Variants in XRN1 observed in about 807,000 individuals in gnomAD.
XRN1 encodes the protein 5'-3' exoribonuclease 1, also known as strand-exchange protein 1 homolog.
Under a neutral mutation model 222.3 loss-of-function variants are expected in XRN1, and 67 were observed. The observed-to-expected ratio is 0.30, with a 90% CI of 0.25 to 0.37. XRN1 has a LOEUF of 0.37. Among genes scored for constraint, XRN1 ranks in the 10% least tolerant of loss-of-function variants. The pLI is 1.00. For synonymous variants in XRN1, 643 were observed against 652.4 expected (o/e 0.99, Z 0.22); for missense variants, 1,707 against 2,000.2 (o/e 0.85, Z 2.80).
chr3:142,424,755 G>C (rs2069180265), intron 5 of XRN1, among the ~76,000 whole-genome samples: 1 of 152,096 alleles, frequency 6.6e-6, no homozygotes, highest in African/African-American at 2.4e-5. Context: ...AGATGATTAG[G>C]GGTAGAAATT....
At chr3:142,344,062 T>A in intron 33 of XRN1, among the ~76,000 whole-genome samples, 2 of 121,618 alleles carry the variant, frequency 1.6e-5, no homozygotes, top group African/African-American at 3.3e-5. Flanking sequence ...GAAAATAGAG[T>A]AGAAGGATGG....
At chr3:142,445,306 C>A (rs200085141) in intron 1 of XRN1, among the ~76,000 whole-genome samples, 1 of 152,114 alleles carries the variant, frequency 6.6e-6, no homozygotes, top group East Asian at 1.9e-4. Flanking sequence ...TGCCTTTTAA[C>A]TCATTGTGAA....
Position 142,365,298 on chromosome 3 carries a change from T to C in XRN1, c.3261+12A>G, listed in dbSNP as rs746788643. On this transcript the variant is annotated intron_variant, in intron 28 of 40. Transcript: ENST00000392981. ...AAAGCAACAACTCTGAATTCTTTGA[T>C]AGGAAACTTACTCTGTATAGCAAAT... 1.1e-5 allele frequency: 17 copies of C among 1,591,874 alleles called. No homozygotes were observed. In the Admixed American group the frequency reaches 1.4e-4, roughly 13 times the overall value.
At chr3:142,327,572 T>C (rs2065555144) in intron 37 of XRN1, among the ~76,000 whole-genome samples, 1 of 152,230 alleles carries the variant, frequency 6.6e-6, no homozygotes, top group South Asian at 2.1e-4. Context: ...TCTTTTGTAC[T>C]ATTTTTAGTA....
In XRN1 at chr3:142,369,979, G is replaced by A. The variant is rs377762402; in HGVS notation, c.3204+506C>T. 9.2e-5 allele frequency among the ~76,000 whole-genome samples: 14 copies of A among 151,454 alleles called. No individual in the cohort carries two copies. In the South Asian group the frequency reaches 1.9e-3, roughly 20 times the overall value. ...GGAGAATTGCTTCAATCTGGGAGGC[G>A]GAGGTTGCAGTGAGCCGAGATCCTG... On this transcript the variant is annotated intron_variant, in intron 27 of 40. Coordinates refer to ENST00000392981, the MANE Select transcript of XRN1 (RefSeq NM_001282857.2).
intron 1 of XRN1, among the ~76,000 whole-genome samples, chr3:142,437,795 C>A (rs2069988893): frequency 6.6e-6 from 1 of 152,138 alleles, no homozygotes; most frequent in Non-Finnish European, 1.5e-5. Flanking sequence ...AAACTACTCA[C>A]CTGACAAGGG....
chr3:142,414,487 C>A, intron 13 of XRN1, 196 bp from the exon 14 acceptor site: 1 of 366,804 alleles, frequency 2.7e-6, no homozygotes, highest in Non-Finnish European at 4.7e-6. Context: ...ACAAATGTTA[C>A]ATTTCCTGAA....
rs369315631 is a variant in XRN1 at position 142,314,947 on chromosome 3, G to A, written c.4622-2189C>T. Reference sequence around the variant, plus strand: ...AAAAAAAAAAAAATCCAAGTCTGTCGTCTGTTTTTTTTTTTTTTTTTTTGA... The same window carrying A: ...AAAAAAAAAAAAATCCAAGTCTGTCATCTGTTTTTTTTTTTTTTTTTTTGA... On this transcript the variant is annotated intron_variant, in intron 39 of 40. Coordinates refer to ENST00000392981, the MANE Select transcript of XRN1 (RefSeq NM_001282857.2). Among the ~76,000 whole-genome samples the A allele has an allele frequency of 2.0e-3, 243 of 123,582 alleles. 2 individuals carry two copies. The highest frequency in any genetic ancestry group is 6.5e-3 in the African/African-American group (215 of 32,876). The allele number at this position is 123,582 out of a possible 152,430, so 81.1% of individuals were successfully genotyped here. A position where few individuals can be genotyped will look rare whatever the true frequency, so the allele number is the denominator to read the frequency against.
chr3:142,396,835 C>T (rs2067951322), intron 20 of XRN1, among the ~76,000 whole-genome samples: 1 of 152,138 alleles, frequency 6.6e-6, no homozygotes, highest in Admixed American at 6.5e-5. Flanking sequence ...GGACACAAAA[C>T]ACTCTGGTGA....
At chr3:142,315,168 C>T (rs980436133) in intron 39 of XRN1, among the ~76,000 whole-genome samples, 1 of 151,888 alleles carries the variant, frequency 6.6e-6, no homozygotes, top group Admixed American at 6.6e-5. Context: ...ACTCATGGCT[C>T]TAGTGATCCT....
Position 142,329,512 on chromosome 3 carries a change from T to C in XRN1, c.4326A>G (p.Thr1442=). ...PAPSQIPPVS[T]PVTELSRICS... is the part of the protein sequence containing the mutation. ...AAATTCGAGAAAGTTCAGTTACTGG[T>C]GTGGATACAGGAGGGATCTGGCTGG... Residue 1442 remains threonine (T), a synonymous_variant, in exon 37 of 41, where the codon ACA becomes ACG. Coordinates refer to ENST00000392981, the MANE Select transcript of XRN1 (RefSeq NM_001282857.2). The C allele has an allele frequency of 6.3e-7, 1 of 1,597,672 alleles. No homozygotes were observed. The highest frequency in any genetic ancestry group is 1.8e-5 in the Admixed American group (1 of 55,918).
Position 142,335,340 on chromosome 3 carries a change from C to T in XRN1, c.3939+108G>A, listed in dbSNP as rs117142425. 1.0e-3 allele frequency: 1,061 copies of T among 1,030,722 alleles called. 11 individuals carry two copies. In the East Asian group the frequency reaches 0.022, roughly 21 times the overall value. 63.8% of individuals were successfully genotyped at this position (1,030,722 alleles called of 1,614,324 possible). On this transcript the variant is annotated intron_variant, in intron 34 of 40. Coordinates refer to ENST00000392981, the MANE Select transcript of XRN1 (RefSeq NM_001282857.2). ...TAACTTCAGTGACCCTCTGGCCACA[C>T]ACCTTATAAATTTGGTTGAAAAGGT...
In XRN1 at chr3:142,316,903, T is replaced by TA. The variant is rs1159383283; in HGVS notation, c.4621+1688dup. On this transcript the variant is annotated intron_variant, in intron 39 of 40. Transcript: ENST00000392981. Reference sequence around the variant, plus strand: ...GGCAACATAGTGAGACCTTGTTGCTTAAAAAAAAAAGGGTACATAAGAAAT... The same window carrying TA: ...GGCAACATAGTGAGACCTTGTTGCTTAAAAAAAAAAAGGGTACATAAGAAAT... 1.5e-3 allele frequency among the ~76,000 whole-genome samples: 228 copies of TA among 147,626 alleles called. 1 individual carries two copies. Among genetic ancestry groups the TA allele is most frequent in the African/African-American group, 5.2e-3 (208 of 40,276 alleles).
chr3:142,364,919 A>G (rs1293752205), intron 29 of XRN1, 128 bp downstream of exon 29: 3 of 1,007,222 alleles, frequency 3.0e-6, no homozygotes, highest in African/African-American at 5.9e-5. Context: ...AAATTTAACT[A>G]AAACATAAAA....
At chr3:142,390,119 T>C (rs972322982) in intron 20 of XRN1, among the ~76,000 whole-genome samples, 53 of 152,382 alleles carry the variant, frequency 3.5e-4, no homozygotes, top group African/African-American at 1.2e-3. Flanking sequence ...GTTCCATTTA[T>C]AGAGCACAGG....
At chr3:142,444,151 G>A (rs926978534) in intron 1 of XRN1, among the ~76,000 whole-genome samples, 1 of 152,132 alleles carries the variant, frequency 6.6e-6, no homozygotes, top group African/African-American at 2.4e-5. Flanking sequence ...CTGAAAGAAC[G>A]AATAAGACCT....
At position 142,336,307 on chromosome 3, in the gene XRN1, A is replaced by G. The variant is rs767875968; in HGVS notation, c.3878-798T>C. Among the ~76,000 whole-genome samples the G allele has an allele frequency of 4.8e-4, 73 of 152,264 alleles. 1 individual carries two copies. The highest frequency in any genetic ancestry group is 1.0e-3 in the Non-Finnish European group (68 of 68,008). ...TAATTATTGCATAATATTCTATTATATTGGATATACTGGATTATATAGCTA... is the reference window on the plus strand; with the variant it reads ...TAATTATTGCATAATATTCTATTATGTTGGATATACTGGATTATATAGCTA... On this transcript the variant is annotated intron_variant, in intron 33 of 40. Transcript: ENST00000392981.
intron 27 of XRN1, among the ~76,000 whole-genome samples, chr3:142,369,590 G>A (rs1207136001): frequency 6.6e-6 from 1 of 151,000 alleles, no homozygotes; most frequent in African/African-American, 2.4e-5. Flanking sequence ...GGAGGTTGCA[G>A]TGAGCCGAGA....
chr3:142,405,136 C>A, intron 15 of XRN1, 60 bp from the exon 16 acceptor site: 1 of 1,525,446 alleles, frequency 6.6e-7, no homozygotes, highest in South Asian at 1.1e-5. Flanking sequence ...TCTCAACAAA[C>A]AGAATAAGTC....
Sources: allele counts gnomAD v4.1 joint callset (sites outside exome capture counted in the v4.1 genomes callset), GRCh38; gene constraint gnomAD v4.1.1; transcripts MANE v1.5; gene names NCBI Gene and HGNC (gene_info 2026-07-23, HGNC 2026-07-21).